STK32C: variants seen among roughly 807,000 people sequenced by gnomAD.
STK32C encodes the protein serine/threonine kinase 32C, also known as serine/threonine-protein kinase 32C.
Under a neutral mutation model 56.5 loss-of-function variants are expected in STK32C, and 31 were observed. That is an observed-to-expected ratio of 0.55 (90% confidence interval 0.41 to 0.74). The LOEUF (loss-of-function observed/expected upper bound fraction) is 0.74. Among genes scored for constraint, STK32C ranks in the 30% least tolerant of loss-of-function variants. The pLI is 0.00. For synonymous variants in STK32C, 309 were observed against 289.4 expected (o/e 1.07, Z -0.69); for missense variants, 544 against 676.9 (o/e 0.80, Z 2.18).
At chr10:132,331,940 C>T (rs1207289002), upstream of STK32C, 11 of 589,614 alleles carry the variant, frequency 1.9e-5, no homozygotes, top group South Asian at 1.7e-4. Context: ...AGCGCAACCC[C>T]CCGCCCCAGC....
chr10:132,214,518 T>TC lies in STK32C; in HGVS notation c.1252-5418dup, dbSNP rs573178340. On this transcript the variant is annotated intron_variant, in intron 10 of 11. Coordinates refer to ENST00000298630, the MANE Select transcript of STK32C (RefSeq NM_173575.4). ...TCCTATAAGACATGTTAAACGAAGT[T>TC]CCTCAGGGGAAAGGAAAATGATTTA... Among the ~76,000 whole-genome samples, 190 of 152,314 alleles carry TC rather than the reference T, an allele frequency of 1.2e-3. 1 individual carries two copies. Among genetic ancestry groups the TC allele is most frequent in the African/African-American group, 4.3e-3 (177 of 41,560 alleles).
rs370823601 is a variant in STK32C at position 132,214,254 on chromosome 10, T to C, written c.1252-5153A>G. ...CAGAAAACCAAAGACAGAGAAAATC[T>C]TGAAATGAGCTGGGGGTGGGGGGTG... is the stretch of plus-strand genomic sequence containing the variant. On this transcript the variant is annotated intron_variant, in intron 10 of 11. Coordinates refer to ENST00000298630, the MANE Select transcript of STK32C (RefSeq NM_173575.4). Among the ~76,000 whole-genome samples, 6 of 144,136 alleles carry C rather than the reference T, an allele frequency of 4.2e-5. No homozygotes were observed. The East Asian group carries it at 7.7e-4, about 19-fold the overall frequency. 94.6% of individuals were successfully genotyped at this position (144,136 alleles called of 152,430 possible).
At chr10:132,232,769 C>G (rs2063146568) in intron 2 of STK32C, among the ~76,000 whole-genome samples, 1 of 150,882 alleles carries the variant, frequency 6.6e-6, no homozygotes, top group Non-Finnish European at 1.5e-5. Context: ...TATGAAACGC[C>G]ACTGACGGGG....
chr10:132,330,818 A>G (rs1333075249), intron 1 of STK32C, among the ~76,000 whole-genome samples: 2 of 151,378 alleles, frequency 1.3e-5, no homozygotes, highest in African/African-American at 2.4e-5. Flanking sequence ...CCTAAAAAAC[A>G]TTTCTTACTG....
intron 2 of STK32C, among the ~76,000 whole-genome samples, chr10:132,230,036 G>A (rs1332064255): frequency 6.6e-6 from 1 of 152,198 alleles, no homozygotes; most frequent in Non-Finnish European, 1.5e-5. Flanking sequence ...CCAGAGGCGC[G>A]TGTGCTGATG....
upstream of STK32C, among the ~76,000 whole-genome samples, chr10:132,310,075 T>A (rs989925588): frequency 1.3e-5 from 2 of 152,210 alleles, no homozygotes; most frequent in Non-Finnish European, 2.9e-5. This position sits in a 1 kb window ranked among gnomAD's most constrained non-coding sequence, Gnocchi z 4.6. Context: ...GACAGTCCTC[T>A]GGTCTGAGGG....
At chr10:132,327,752 C>T (rs2066528852) in intron 1 of STK32C, among the ~76,000 whole-genome samples, 1 of 152,170 alleles carries the variant, frequency 6.6e-6, no homozygotes, top group Non-Finnish European at 1.5e-5. Context: ...GCTGGGATTA[C>T]AGGTGTGAGC....
At chr10:132,213,990 GA>G (rs2062393225) in intron 10 of STK32C, among the ~76,000 whole-genome samples, 1 of 151,946 alleles carries the variant, frequency 6.6e-6, no homozygotes, top group African/African-American at 2.4e-5. Flanking sequence ...AAAAAAGAGT[GA>G]AAAAAATGAA....
At chr10:132,285,538 T>A (rs897176954) in intron 1 of STK32C, among the ~76,000 whole-genome samples, 2 of 152,236 alleles carry the variant, frequency 1.3e-5, no homozygotes, top group African/African-American at 4.8e-5. Flanking sequence ...ACACTGATCA[T>A]ACAGTTAGGT....
upstream of STK32C, among the ~76,000 whole-genome samples, chr10:132,311,825 T>C (rs560361550): frequency 6.6e-6 from 1 of 152,304 alleles, no homozygotes; most frequent in Non-Finnish European, 1.5e-5. The surrounding 1 kb of genome is among the most constrained non-coding windows in gnomAD (Gnocchi z 4.4). Flanking sequence ...ATCCTTAACT[T>C]AGTTACATCT....
chr10:132,292,956 G>C (rs1351421258), intron 1 of STK32C, among the ~76,000 whole-genome samples: 1 of 151,002 alleles, frequency 6.6e-6, no homozygotes, highest in African/African-American at 2.4e-5. Context: ...GTGCTCACCT[G>C]CTCCAGTGCT....
intron 1 of STK32C, among the ~76,000 whole-genome samples, chr10:132,293,187 A>G (rs1309573747): frequency 6.6e-6 from 1 of 151,720 alleles, no homozygotes; most frequent in Non-Finnish European, 1.5e-5. Flanking sequence ...CTGGGGCAGG[A>G]CTTAGAGTGG....
intron 10 of STK32C, among the ~76,000 whole-genome samples, chr10:132,213,897 T>A (rs529932581): frequency 6.6e-6 from 1 of 152,004 alleles, no homozygotes; most frequent in Non-Finnish European, 1.5e-5. Context: ...GGTTCCTCAG[T>A]AGACTGGATC....
chr10:132,219,664 G>C (rs1267196757), intron 10 of STK32C, among the ~76,000 whole-genome samples: 1 of 152,172 alleles, frequency 6.6e-6, no homozygotes, highest in Non-Finnish European at 1.5e-5. Context: ...CTCTCCACCA[G>C]CAATTCTGCC....
At chr10:132,323,304 G>C (rs771064251), downstream of STK32C, among the ~76,000 whole-genome samples, 3 of 152,166 alleles carry the variant, frequency 2.0e-5, no homozygotes, top group Non-Finnish European at 4.4e-5. This position sits in a 1 kb window ranked among gnomAD's most constrained non-coding sequence, Gnocchi z 4.8. Flanking sequence ...TGTTACTGAG[G>C]TGCTTGCCCT....
At chr10:132,243,484 C>G (rs1013328903) in intron 2 of STK32C, among the ~76,000 whole-genome samples, 1 of 152,136 alleles carries the variant, frequency 6.6e-6, no homozygotes, top group Non-Finnish European at 1.5e-5. Context: ...CAGGGAGAAA[C>G]AGATTTTCTC....
chr10:132,210,276 A>G (rs2062250438), intron 10 of STK32C, among the ~76,000 whole-genome samples: 1 of 151,962 alleles, frequency 6.6e-6, no homozygotes, highest in Admixed American at 6.5e-5. Flanking sequence ...CATGGATCCT[A>G]TTTTTGGTCT....
At chr10:132,322,415 G>C (rs1374453232), downstream of STK32C, among the ~76,000 whole-genome samples, 1 of 152,132 alleles carries the variant, frequency 6.6e-6, no homozygotes, top group African/African-American at 2.4e-5. Flanking sequence ...TGATGAACAG[G>C]ATTATTTCTA....
At chr10:132,330,431 C>G (rs182844657) in intron 1 of STK32C, 1 of 717,236 alleles carries the variant, frequency 1.4e-6, no homozygotes, top group Non-Finnish European at 2.6e-6. Context: ...TTGCTCTGCC[C>G]GGGTGGCTGG....
Sources: gnomAD v4.1 joint callset for allele counts (sites outside exome capture counted in the v4.1 genomes callset) on GRCh38, gnomAD v4.1.1 for gene constraint, Gnocchi (gnomAD v3.1) non-coding constraint, MANE v1.5 for transcripts, NCBI Gene and HGNC (gene_info 2026-07-23, HGNC 2026-07-21) for gene names.